Variants in GSTA3 observed in about 807,000 individuals in gnomAD.
The protein encoded by GSTA3 is glutathione S-transferase alpha 3, also known as glutathione S-transferase A3.
In GSTA3, 16 loss-of-function variants were observed where a neutral mutation model predicts 23.1. That is an observed-to-expected ratio of 0.69 (90% CI 0.47 to 1.05). The LOEUF (loss-of-function observed/expected upper bound fraction) is 1.05, where lower values mean the gene tolerates loss of function less well. Ranked by LOEUF, GSTA3 falls within the 50% of genes least tolerant of loss-of-function variation. The probability of loss-of-function intolerance (pLI) is 0.00; values close to 1 mark genes in which losing one functional copy is unlikely to be tolerated. For missense variants in GSTA3, 319 were observed against 263.6 expected, an observed-to-expected ratio of 1.21 and a Z score of -1.46; for synonymous variants, 122 against 91.0, an observed-to-expected ratio of 1.34 and a Z score of -1.94.
chr6:52,904,974 A>G (rs998763093), intron 2 of GSTA3, among the ~76,000 whole-genome samples: 1 of 152,234 alleles, frequency 6.6e-6, no homozygotes, highest in Non-Finnish European at 1.5e-5. Flanking sequence ...TCCTCAGGAC[A>G]GAACCTGGCA....
At chr6:52,902,707 C>T (rs557115297) in intron 3 of GSTA3, among the ~76,000 whole-genome samples, 3 of 152,304 alleles carry the variant, frequency 2.0e-5, no homozygotes, top group South Asian at 2.1e-4. Context: ...ATTCCCCATC[C>T]AGGTACATAG....
intron 6 of GSTA3, 48 bp from the exon 7 acceptor site, chr6:52,896,976 C>T (rs950930157): frequency 3.5e-5 from 56 of 1,610,232 alleles, no homozygotes; most frequent in Non-Finnish European, 4.7e-5. Context: ...GGTCTGCCAC[C>T]ACCATTAATA....
chr6:52,899,346 C>G (rs1561951285), intron 5 of GSTA3, among the ~76,000 whole-genome samples: 1 of 152,178 alleles, frequency 6.6e-6, no homozygotes, highest in Non-Finnish European at 1.5e-5. Flanking sequence ...AATATCGGCT[C>G]TGACTCCTAA....
At chr6:52,904,222 T>C (rs992830738) in intron 2 of GSTA3, among the ~76,000 whole-genome samples, 10 of 152,072 alleles carry the variant, frequency 6.6e-5, no homozygotes, top group Admixed American at 1.3e-4. Context: ...ACTCCTGGGC[T>C]CAAGCAATCC....
At chr6:52,908,374 G>A (rs1203264881) in intron 1 of GSTA3, among the ~76,000 whole-genome samples, 2 of 152,064 alleles carry the variant, frequency 1.3e-5, no homozygotes, top group Admixed American at 6.6e-5. Context: ...AATTAGCCAG[G>A]ATTGGTGTCC....
chr6:52,902,180 C>T (rs1298675894), intron 4 of GSTA3, among the ~76,000 whole-genome samples, 166 bp downstream of exon 4: 2 of 152,204 alleles, frequency 1.3e-5, no homozygotes, highest in Non-Finnish European at 2.9e-5. Context: ...CTCACGTTCA[C>T]TGTTTCCTCA....
chr6:52,903,532 G>C, intron 3 of GSTA3, 144 bp downstream of exon 3: 1 of 431,350 alleles, frequency 2.3e-6, no homozygotes. Flanking sequence ...GGGAGGCGGA[G>C]CTTGCAGTAA....
At chr6:52,898,786 A>G (rs1218338548) in intron 5 of GSTA3, among the ~76,000 whole-genome samples, 1 of 152,192 alleles carries the variant, frequency 6.6e-6, no homozygotes, top group Non-Finnish European at 1.5e-5. Context: ...CACAGATGGA[A>G]CAACGGTGAG....
chr6:52,909,554 C>T (rs1765999786), intron 1 of GSTA3, 87 bp downstream of exon 1: 1 of 152,208 alleles, frequency 6.6e-6, no homozygotes, highest in African/African-American at 2.4e-5. Flanking sequence ...ACATAAAGTA[C>T]TCACACAAAC....
chr6:52,903,622 G>T (rs1009663726), intron 3 of GSTA3, 54 bp downstream of exon 3: 53 of 910,896 alleles, frequency 5.8e-5, no homozygotes, highest in African/African-American at 2.7e-4. Context: ...AATCTTCAGC[G>T]GTACCTTCTC....
At chr6:52,897,623 A>G (rs1188175340) in intron 6 of GSTA3, among the ~76,000 whole-genome samples, 2 of 152,194 alleles carry the variant, frequency 1.3e-5, no homozygotes, top group Admixed American at 1.3e-4. Context: ...TTCATGGGGT[A>G]GCATGACCAC....
At chr6:52,899,142 C>T (rs970308796) in intron 5 of GSTA3, among the ~76,000 whole-genome samples, 6 of 151,748 alleles carry the variant, frequency 4.0e-5, no homozygotes, top group Non-Finnish European at 5.9e-5. Flanking sequence ...AGCAGGTGAT[C>T]GGAATGAGTT....
At chr6:52,900,264 CT>C (rs368457261) in intron 4 of GSTA3, among the ~76,000 whole-genome samples, 189 bp from the exon 5 acceptor site, 4,916 of 133,354 alleles carry the variant, frequency 0.037, 169 homozygotes, top group African/African-American at 0.13. Flanking sequence ...CTTTCTTTTT[CT>C]TTTTTTTTTT....
At chr6:52,906,128 T>C (rs1348647081) in intron 1 of GSTA3, among the ~76,000 whole-genome samples, 2 of 152,218 alleles carry the variant, frequency 1.3e-5, no homozygotes, top group Non-Finnish European at 2.9e-5. Context: ...CTGACTTGCA[T>C]TATGTTCCAA....
intron 3 of GSTA3, among the ~76,000 whole-genome samples, chr6:52,903,030 C>T (rs1019801617): frequency 6.6e-6 from 1 of 152,076 alleles, no homozygotes; most frequent in Admixed American, 6.5e-5. Flanking sequence ...CTTGTGTGTC[C>T]TTGGATGGGG....
chr6:52,903,271 C>T (rs1235785071), intron 3 of GSTA3, among the ~76,000 whole-genome samples: 1 of 152,062 alleles, frequency 6.6e-6, no homozygotes, highest in Non-Finnish European at 1.5e-5. Context: ...CCCACACACA[C>T]ATAGGCATCG....
intron 6 of GSTA3, 140 bp from the exon 7 acceptor site, chr6:52,897,068 C>T (rs1765472752): frequency 1.7e-6 from 2 of 1,195,486 alleles, no homozygotes. Flanking sequence ...GAAACAGACA[C>T]CCAGTGATAA....
chr6:52,903,130 G>C (rs1477644796), intron 3 of GSTA3, among the ~76,000 whole-genome samples: 1 of 152,068 alleles, frequency 6.6e-6, no homozygotes, highest in African/African-American at 2.4e-5. Flanking sequence ...CAGGGCACTG[G>C]GGATGGTTCC....
At chr6:52,900,264 CTT>C (rs368457261) in intron 4 of GSTA3, among the ~76,000 whole-genome samples, 189 bp from the exon 5 acceptor site, 19 of 133,414 alleles carry the variant, frequency 1.4e-4, no homozygotes, top group African/African-American at 3.1e-4. Context: ...CTTTCTTTTT[CTT>C]TTTTTTTTTT....
Sources: gnomAD v4.1 joint callset for allele counts (sites outside exome capture counted in the v4.1 genomes callset) on GRCh38, gnomAD v4.1.1 for gene constraint, MANE v1.5 for transcripts, NCBI Gene and HGNC (gene_info 2026-07-23, HGNC 2026-07-21) for gene names.